Variants in AGBL1 observed in about 807,000 individuals in gnomAD.
AGBL1 encodes cytosolic carboxypeptidase 4.
AGBL1 carries 130 observed loss-of-function variants against 118.9 expected under a neutral mutation model. The ratio of observed to expected loss-of-function variants is 1.09; its 90% CI spans 0.95 to 1.26. AGBL1 has a LOEUF of 1.26. Ranked by LOEUF, AGBL1 falls within the 50% of genes most tolerant of loss-of-function variation. The pLI is 0.00. For synonymous variants in AGBL1, 555 were observed against 478.9 expected (o/e 1.16, Z -2.08); for missense variants, 1,584 against 1,298.1 (o/e 1.22, Z -3.38).
At chr15:86,997,784 A>G (rs1322539364) in intron 24 of AGBL1, among the ~76,000 whole-genome samples, 1 of 151,872 alleles carries the variant, frequency 6.6e-6, no homozygotes, top group Non-Finnish European at 1.5e-5. Flanking sequence ...GACTTAATGG[A>G]AAACCTAATA....
Position 86,254,053 on chromosome 15 carries a change from G to A in AGBL1, c.736-2800G>A, listed in dbSNP as rs114658026. ...GCTTTGGCTACATAGAAGCAGAGCTGGAATTTAAACCCAGGACTTTATACT... is the reference window on the plus strand; with the variant it reads ...GCTTTGGCTACATAGAAGCAGAGCTAGAATTTAAACCCAGGACTTTATACT... On this transcript the variant is annotated intron_variant, in intron 7 of 22. Transcript: ENST00000614907. Among the ~76,000 whole-genome samples the A allele has an allele frequency of 5.8e-3, 887 of 152,264 alleles. 11 individuals are homozygous for A. The highest frequency in any genetic ancestry group is 0.025 in the East Asian group (130 of 5,178).
chr15:86,838,129 T>C (rs1027695307), intron 22 of AGBL1, among the ~76,000 whole-genome samples: 6 of 152,160 alleles, frequency 3.9e-5, no homozygotes, highest in African/African-American at 1.4e-4. Flanking sequence ...ACCTTGCCAT[T>C]TGGGAATTTT....
intron 21 of AGBL1, among the ~76,000 whole-genome samples, chr15:86,668,059 C>A (rs2085678697): frequency 6.6e-6 from 1 of 152,096 alleles, no homozygotes; most frequent in Admixed American, 6.6e-5. Flanking sequence ...AGGTGCCAGG[C>A]ACTTTAAACA....
chr15:86,324,779 C>T (rs1049498687), intron 17 of AGBL1, among the ~76,000 whole-genome samples: 4 of 152,192 alleles, frequency 2.6e-5, no homozygotes, highest in Non-Finnish European at 5.9e-5. Context: ...TTTGAAAAGA[C>T]ATTTAAGCCA....
intron 17 of AGBL1, among the ~76,000 whole-genome samples, chr15:86,329,339 T>G (rs984434784): frequency 2.6e-5 from 4 of 151,718 alleles, no homozygotes; most frequent in Non-Finnish European, 5.9e-5. Context: ...CTGCCCCATG[T>G]CCAGGTAGAT....
intron 2 of AGBL1, 38 bp from the exon 3 acceptor site, chr15:86,143,661 A>G (rs774612697): frequency 1.2e-6 from 2 of 1,606,852 alleles, no homozygotes; most frequent in South Asian, 2.2e-5. Context: ...AATGGGGATT[A>G]TTACTTGTGG....
chr15:86,662,720 CAAAT>C (rs1161399665), intron 21 of AGBL1, among the ~76,000 whole-genome samples: 2 of 152,134 alleles, frequency 1.3e-5, no homozygotes, highest in Non-Finnish European at 2.9e-5. Context: ...TATTTTATCA[CAAAT>C]AAAAGTTCAT....
At chr15:86,383,559 C>T (rs2081142595) in intron 17 of AGBL1, among the ~76,000 whole-genome samples, 1 of 152,104 alleles carries the variant, frequency 6.6e-6, no homozygotes, top group Non-Finnish European at 1.5e-5. Flanking sequence ...GGTATGCCAG[C>T]CTGGGCAACG....
At chr15:86,953,869 A>C (rs1334783273) in intron 23 of AGBL1, among the ~76,000 whole-genome samples, 3 of 152,224 alleles carry the variant, frequency 2.0e-5, no homozygotes, top group Non-Finnish European at 4.4e-5. Context: ...ATCAGCAAAA[A>C]GAAATAGTTT....
chr15:86,290,752 C>T (rs1401978752), intron 16 of AGBL1, among the ~76,000 whole-genome samples: 1 of 151,812 alleles, frequency 6.6e-6, no homozygotes, highest in East Asian at 1.9e-4. Flanking sequence ...AGGTTAGTTA[C>T]ATATGTATAC....
Position 86,373,322 on chromosome 15 carries a change from C to G in AGBL1, c.2375-24044C>G, listed in dbSNP as rs373786469. On this transcript the variant is annotated intron_variant, in intron 17 of 22. Transcript: ENST00000614907. Reference sequence around the variant, plus strand: ...AAGAAGTCTTGGCACCCTTTCAACACTTAGAAGCTCTGCTCTCATGGGCAG... The same window carrying G: ...AAGAAGTCTTGGCACCCTTTCAACAGTTAGAAGCTCTGCTCTCATGGGCAG... Among the ~76,000 whole-genome samples the G allele has an allele frequency of 1.4e-3, 216 of 152,306 alleles. 1 individual carries two copies. Among genetic ancestry groups the G allele is most frequent in the African/African-American group, 5.1e-3 (210 of 41,568 alleles).
At chr15:86,675,747 G>T (rs1193529263) in intron 22 of AGBL1, among the ~76,000 whole-genome samples, 1 of 152,092 alleles carries the variant, frequency 6.6e-6, no homozygotes, top group African/African-American at 2.4e-5. Flanking sequence ...TATCTTGGGT[G>T]TAGGCATGCC....
intron 17 of AGBL1, among the ~76,000 whole-genome samples, chr15:86,369,183 G>T (rs923757965): frequency 2.0e-5 from 3 of 152,168 alleles, no homozygotes; most frequent in African/African-American, 7.2e-5. Flanking sequence ...GATGAATATA[G>T]AAATTGATAC....
chr15:86,429,457 A>G (rs1192189646), intron 18 of AGBL1, among the ~76,000 whole-genome samples: 2 of 152,260 alleles, frequency 1.3e-5, no homozygotes, highest in Non-Finnish European at 2.9e-5. Context: ...TGCATTGAGC[A>G]TAATAGACTG....
chr15:86,666,761 C>A (rs993771502), intron 21 of AGBL1, among the ~76,000 whole-genome samples: 6 of 152,134 alleles, frequency 3.9e-5, no homozygotes, highest in African/African-American at 1.4e-4. Context: ...TCAGCAACTC[C>A]ATGAATTAGA....
intron 23 of AGBL1, among the ~76,000 whole-genome samples, chr15:86,925,447 T>C (rs1207742689): frequency 1.3e-5 from 2 of 152,138 alleles, no homozygotes; most frequent in Non-Finnish European, 2.9e-5. Context: ...TTCAAGAAAA[T>C]ATGATACTGA....
chr15:86,960,778 T>C (rs8028335), intron 23 of AGBL1, among the ~76,000 whole-genome samples: 85 of 152,182 alleles, frequency 5.6e-4, no homozygotes, highest in African/African-American at 1.9e-3. Flanking sequence ...GAATCTACCA[T>C]GTCTGAAAAC....
chr15:86,543,298 G>A (rs9920985), intron 19 of AGBL1, among the ~76,000 whole-genome samples: 252 of 152,064 alleles, frequency 1.7e-3, no homozygotes, highest in African/African-American at 5.8e-3. Context: ...GTATATAACC[G>A]TTTATTTTCT....
intron 24 of AGBL1, among the ~76,000 whole-genome samples, chr15:87,024,900 G>A (rs1270910038): frequency 6.6e-6 from 1 of 151,992 alleles, no homozygotes; most frequent in African/African-American, 2.4e-5. Flanking sequence ...CTCAATAGAT[G>A]CAGAAAAAGC....
Sources: allele counts gnomAD v4.1 joint callset (sites outside exome capture counted in the v4.1 genomes callset), GRCh38; gene constraint gnomAD v4.1.1; transcripts MANE v1.5; gene names NCBI Gene and HGNC (gene_info 2026-07-23, HGNC 2026-07-21).